The following FAM135B variants were observed in gnomAD, a reference collection of about 807,000 sequenced individuals.
The protein encoded by FAM135B is protein FAM135B.
Under a neutral mutation model 127.7 loss-of-function variants are expected in FAM135B, and 43 were observed. The observed-to-expected ratio is 0.34, with a 90% confidence interval of 0.26 to 0.43. The LOEUF (loss-of-function observed/expected upper bound fraction) is 0.43. Among genes scored for constraint, FAM135B ranks in the 20% least tolerant of loss-of-function variants. The probability of loss-of-function intolerance (pLI) is 1.00; values close to 1 mark genes in which losing one functional copy is unlikely to be tolerated. For missense variants in FAM135B, 1,558 were observed against 1,725.6 expected (o/e 0.90, Z 1.72); for synonymous variants, 670 against 665.1 (o/e 1.01, Z -0.11).
At chr8:138,308,427 C>T (rs1412725723) in intron 3 of FAM135B, among the ~76,000 whole-genome samples, 1 of 152,126 alleles carries the variant, frequency 6.6e-6, no homozygotes, top group African/African-American at 2.4e-5. Context: ...CGGTCTCTAA[C>T]CAAAAATAGT....
At chr8:138,286,451 G>T (rs943423080) in intron 3 of FAM135B, among the ~76,000 whole-genome samples, 1 of 152,236 alleles carries the variant, frequency 6.6e-6, no homozygotes, top group African/African-American at 2.4e-5. Flanking sequence ...GGAGATCAAA[G>T]AAGTATCGCC....
At chr8:138,192,575 G>A (rs1816230343) in intron 9 of FAM135B, among the ~76,000 whole-genome samples, 1 of 112,674 alleles carries the variant, frequency 8.9e-6, no homozygotes, top group Non-Finnish European at 2.0e-5. Flanking sequence ...GGATCAGTTG[G>A]TATCACCCAG....
intron 1 of FAM135B, among the ~76,000 whole-genome samples, chr8:138,406,888 T>C (rs1457066340): frequency 6.6e-6 from 1 of 151,448 alleles, no homozygotes; most frequent in East Asian, 1.9e-4. Flanking sequence ...CTATTCAACA[T>C]AGTGTTGGAA....
At chr8:138,423,373 C>A (rs966388782) in intron 1 of FAM135B, among the ~76,000 whole-genome samples, 4 of 152,122 alleles carry the variant, frequency 2.6e-5, no homozygotes, top group Non-Finnish European at 5.9e-5. Flanking sequence ...CACATGGGTT[C>A]TTTTCTATTT....
chr8:138,136,251 C>T (rs1187541962), intron 19 of FAM135B, among the ~76,000 whole-genome samples: 1 of 151,938 alleles, frequency 6.6e-6, no homozygotes, highest in African/African-American at 2.4e-5. Flanking sequence ...ATCTTTGGAC[C>T]TTTGGTACAC....
rs763969046 is a variant in FAM135B at position 138,474,248 on chromosome 8, G to A, written c.-20+22423C>T. Among the ~76,000 whole-genome samples, 40 of 152,226 alleles carry A rather than the reference G, an allele frequency of 2.6e-4. 1 individual carries two copies. Among genetic ancestry groups the A allele is most frequent in the Non-Finnish European group, 5.0e-4 (34 of 68,016 alleles). Reference sequence around the variant, plus strand: ...AGATGGATGAACAAAAAGTAAGGACGTTGAGGCCAGACAGACCCCCACGAA... The same window carrying A: ...AGATGGATGAACAAAAAGTAAGGACATTGAGGCCAGACAGACCCCCACGAA... On this transcript the variant is annotated intron_variant, in intron 1 of 19. Coordinates refer to ENST00000395297, the MANE Select transcript of FAM135B (RefSeq NM_015912.4).
intron 3 of FAM135B, among the ~76,000 whole-genome samples, chr8:138,298,518 G>A (rs992688458): frequency 6.6e-6 from 1 of 152,166 alleles, no homozygotes; most frequent in African/African-American, 2.4e-5. Flanking sequence ...AATGAACTTG[G>A]TGCATTCAAG....
chr8:138,232,701 G>A (rs1049212365), intron 7 of FAM135B, among the ~76,000 whole-genome samples: 3 of 152,168 alleles, frequency 2.0e-5, no homozygotes, highest in African/African-American at 7.2e-5. Context: ...ATGAAGTACA[G>A]TTTTTTAACT....
At chr8:138,168,986 A>G (rs1434261804) in intron 11 of FAM135B, among the ~76,000 whole-genome samples, 1 of 152,164 alleles carries the variant, frequency 6.6e-6, no homozygotes, top group African/African-American at 2.4e-5. Context: ...AGCTGCCTGT[A>G]GAAGAGCTTT....
chr8:138,434,749 C>T (rs1471327912), intron 1 of FAM135B, among the ~76,000 whole-genome samples: 1 of 152,174 alleles, frequency 6.6e-6, no homozygotes, highest in Non-Finnish European at 1.5e-5. Context: ...AATATGTTCA[C>T]TGTCTATGAA....
intron 12 of FAM135B, among the ~76,000 whole-genome samples, 182 bp downstream of exon 12, chr8:138,167,713 G>T (rs985711489): frequency 1.3e-5 from 2 of 152,036 alleles, no homozygotes; most frequent in Non-Finnish European, 2.9e-5. Flanking sequence ...TTGTTAGATC[G>T]TTTTGTCTAT....
intron 2 of FAM135B, among the ~76,000 whole-genome samples, chr8:138,326,621 T>G (rs946419425): frequency 2.0e-5 from 3 of 151,564 alleles, no homozygotes. Flanking sequence ...GGGAGAAGAG[T>G]TGAAAAGCAA....
chr8:138,145,757 CAT>C (rs1817599223), intron 15 of FAM135B, among the ~76,000 whole-genome samples, 200 bp downstream of exon 15: 1 of 152,204 alleles, frequency 6.6e-6, no homozygotes, highest in African/African-American at 2.4e-5. Flanking sequence ...AACCGATACA[CAT>C]GTTCTCATTT....
chr8:138,150,666 CAATA>C (rs71316324), intron 13 of FAM135B, among the ~76,000 whole-genome samples: 12 of 44,800 alleles, frequency 2.7e-4, no homozygotes, highest in South Asian at 1.8e-3. Flanking sequence ...GACTCTGTCT[CAATA>C]AATAAATAAA....
intron 2 of FAM135B, among the ~76,000 whole-genome samples, chr8:138,350,948 T>C (rs372247916): frequency 5.8e-4 from 88 of 152,314 alleles, no homozygotes; most frequent in African/African-American, 2.1e-3. Context: ...AAAGTCATCA[T>C]TCACCATGTA....
chr8:138,194,118 A>G (rs767032174), intron 9 of FAM135B, among the ~76,000 whole-genome samples: 4 of 151,568 alleles, frequency 2.6e-5, no homozygotes, highest in Admixed American at 6.6e-5. Flanking sequence ...GCCTTTACAC[A>G]CTCTCTAAAT....
At chr8:138,231,291 G>T (rs1007418575) in intron 7 of FAM135B, among the ~76,000 whole-genome samples, 2 of 152,148 alleles carry the variant, frequency 1.3e-5, no homozygotes, top group Non-Finnish European at 2.9e-5. Context: ...AAAGTGCTGG[G>T]ATTACAGGTG....
chr8:138,136,551 T>C (rs1192822521), intron 19 of FAM135B, among the ~76,000 whole-genome samples: 1 of 152,102 alleles, frequency 6.6e-6, no homozygotes. Flanking sequence ...ATTTTTTGAG[T>C]ATAAAATTGT....
At chr8:138,415,248 C>CA (rs1446280113) in intron 1 of FAM135B, among the ~76,000 whole-genome samples, 1 of 152,086 alleles carries the variant, frequency 6.6e-6, no homozygotes, top group Admixed American at 6.6e-5. Flanking sequence ...GGTTCAACTA[C>CA]AAAAAACAGC....
Sources: gnomAD v4.1 joint callset for allele counts (sites outside exome capture counted in the v4.1 genomes callset) on GRCh38, gnomAD v4.1.1 for gene constraint, MANE v1.5 for transcripts, NCBI Gene and HGNC (gene_info 2026-07-23, HGNC 2026-07-21) for gene names.